NRXN3: variants seen among roughly 807,000 people sequenced by gnomAD.
NRXN3 encodes neurexin 3.
A neutral mutation model predicts 137.6 loss-of-function variants in NRXN3; 32 were observed. The ratio of observed to expected loss-of-function variants is 0.23; its 90% CI spans 0.18 to 0.31. NRXN3 has a LOEUF of 0.31. NRXN3 is among the 10% of genes least tolerant of loss of function. The pLI, the probability that NRXN3 is intolerant of heterozygous loss-of-function variation, is 1.00. For synonymous variants in NRXN3, 798 were observed against 784.5 expected (o/e 1.02, Z -0.29); for missense variants, 1,574 against 2,062.5 (o/e 0.76, Z 4.59).
chr14:78,863,863 A>G (rs1040261055), intron 10 of NRXN3, among the ~76,000 whole-genome samples: 1 of 152,096 alleles, frequency 6.6e-6, no homozygotes, highest in African/African-American at 2.4e-5. Flanking sequence ...TATAAATTCA[A>G]TGAGTCAGAA....
At chr14:79,753,063 G>A (rs1317712499) in intron 19 of NRXN3, among the ~76,000 whole-genome samples, 2 of 150,904 alleles carry the variant, frequency 1.3e-5, no homozygotes, top group Non-Finnish European at 3.0e-5. Flanking sequence ...TAAAAAGTCA[G>A]GAAACAACAG....
intron 19 of NRXN3, among the ~76,000 whole-genome samples, chr14:79,733,089 T>TAAC (rs2098929720): frequency 7.5e-6 from 1 of 134,136 alleles, no homozygotes; most frequent in Non-Finnish European, 1.6e-5. Context: ...CAGTGAATAA[T>TAAC]TAAATCCAGA....
Position 78,419,241 on chromosome 14 carries a change from T to A in NRXN3, c.757+121381T>A, listed in dbSNP as rs188721097. Among the ~76,000 whole-genome samples the A allele has an allele frequency of 6.2e-4, 95 of 152,276 alleles. No individual in the cohort carries two copies. The Middle Eastern group carries it at 0.02, about 33-fold the overall frequency. ...CTCTAGTCCAACTTTTTAATTTTTT[T>A]ATTTTATTTTATTTTTTGATAGGGT... On this transcript the variant is annotated intron_variant, in intron 4 of 20. Transcript: ENST00000335750.
chr14:78,431,567 A>G (rs1476688570), intron 4 of NRXN3, among the ~76,000 whole-genome samples: 1 of 152,172 alleles, frequency 6.6e-6, no homozygotes, highest in Admixed American at 6.5e-5. Context: ...CAGCTGGAGC[A>G]AAGAAAGACA....
chr14:79,737,304 G>A (rs1008501221), intron 19 of NRXN3, among the ~76,000 whole-genome samples: 8 of 152,158 alleles, frequency 5.3e-5, no homozygotes, highest in Non-Finnish European at 1.2e-4. Context: ...CAATAACTTG[G>A]AATGTGTCTA....
intron 16 of NRXN3, among the ~76,000 whole-genome samples, chr14:79,584,491 G>C (rs1227438573): frequency 6.6e-6 from 1 of 152,202 alleles, no homozygotes; most frequent in Non-Finnish European, 1.5e-5. Flanking sequence ...AGGGATGGGG[G>C]AGAGCTGGGA....
chr14:79,669,738 T>A (rs2098595756), intron 17 of NRXN3, among the ~76,000 whole-genome samples: 1 of 152,042 alleles, frequency 6.6e-6, no homozygotes, highest in Non-Finnish European at 1.5e-5. Context: ...ATCAGCAGCA[T>A]CAGCTTCCCC....
chr14:78,479,392 G>A (rs1466285152), intron 4 of NRXN3, among the ~76,000 whole-genome samples: 1 of 152,218 alleles, frequency 6.6e-6, no homozygotes, highest in African/African-American at 2.4e-5. Context: ...TGATTCATTA[G>A]ATCTGGGATG....
intron 1 of NRXN3, among the ~76,000 whole-genome samples, chr14:78,220,863 A>G (rs1055082942): frequency 1.3e-5 from 2 of 152,110 alleles, no homozygotes; most frequent in South Asian, 2.1e-4. Flanking sequence ...CTTCATGACT[A>G]AAAACCTCAA....
At chr14:79,349,533 G>A (rs557894821) in intron 15 of NRXN3, among the ~76,000 whole-genome samples, 233 of 130,980 alleles carry the variant, frequency 1.8e-3, no homozygotes, top group South Asian at 0.016. Context: ...CGTCCTCCCC[G>A]GGAAAAAAAA....
At chr14:78,507,055 C>T (rs2096008826) in intron 4 of NRXN3, among the ~76,000 whole-genome samples, 1 of 151,962 alleles carries the variant, frequency 6.6e-6, no homozygotes, top group Non-Finnish European at 1.5e-5. Flanking sequence ...TAAAACATTC[C>T]ATAGGCCAAA....
At chr14:78,471,291 AAC>A (rs553942003) in intron 4 of NRXN3, among the ~76,000 whole-genome samples, 252 of 96,840 alleles carry the variant, frequency 2.6e-3, no homozygotes, top group East Asian at 0.012. Context: ...CAACACACTC[AAC>A]ACACACACAC....
Position 78,243,115 on chromosome 14 carries a change from GT to G in NRXN3, c.26del (p.Phe9SerfsTer4). 1 of 1,536,456 alleles carries G rather than the reference GT, an allele frequency of 6.5e-7. No homozygotes were observed. Among genetic ancestry groups the G allele is most frequent in the African/African-American group, 1.4e-5 (1 of 73,288 alleles). The part of the protein sequence containing the change: MSSTLHS[V>X]FFTLKVSILL... ...GACAATGAGCTCCACACTCCACTCG[GT>G]TTTCTTCACCCTGAAGGTCAGCATC... On this transcript the variant is annotated frameshift_variant, in exon 2 of 21. Coordinates refer to ENST00000335750, the MANE Select transcript of NRXN3 (RefSeq NM_001330195.2). LOFTEE classifies it high-confidence loss of function. This position sits in a 1 kb window ranked among gnomAD's most constrained non-coding sequence, Gnocchi z 4.2.
In NRXN3 at chr14:78,717,230, C is replaced by G. The variant is rs1467555867; in HGVS notation, c.2044+2091C>G. Among the ~76,000 whole-genome samples the G allele has an allele frequency of 4.6e-5, 7 of 152,104 alleles. No homozygotes were observed. In the East Asian group the frequency reaches 1.2e-3, roughly 25 times the overall value. On this transcript the variant is annotated intron_variant, in intron 8 of 20. Coordinates refer to ENST00000335750, the MANE Select transcript of NRXN3 (RefSeq NM_001330195.2). ...CTGTACAAGGTGTCTCTGAGCTCAC[C>G]CATTTCAAGGGTGAATCAACGGGAG...
At chr14:79,480,321 T>A (rs1441237938) in intron 16 of NRXN3, among the ~76,000 whole-genome samples, 1 of 152,180 alleles carries the variant, frequency 6.6e-6, no homozygotes, top group African/African-American at 2.4e-5. Flanking sequence ...GGAGCTGGTT[T>A]TTTTGCATGG....
chr14:79,125,098 C>T (rs977707803), intron 15 of NRXN3, among the ~76,000 whole-genome samples: 15 of 151,856 alleles, frequency 9.9e-5, no homozygotes, highest in African/African-American at 3.1e-4. Context: ...AAATTATTTA[C>T]GTACTTAAAC....
intron 16 of NRXN3, among the ~76,000 whole-genome samples, chr14:79,544,912 T>C (rs1241218971): frequency 6.6e-6 from 1 of 152,218 alleles, no homozygotes; most frequent in African/African-American, 2.4e-5. Flanking sequence ...TAAGAATCAC[T>C]GTTATCCTTG....
chr14:79,767,958 G>A (rs577762051), intron 19 of NRXN3, among the ~76,000 whole-genome samples: 31 of 152,342 alleles, frequency 2.0e-4, no homozygotes, highest in South Asian at 4.1e-4. Flanking sequence ...TGCCTCACTC[G>A]GGAAGCGCAA....
chr14:78,700,758 T>C (rs1190218010), intron 6 of NRXN3, among the ~76,000 whole-genome samples: 6 of 152,074 alleles, frequency 3.9e-5, no homozygotes, highest in African/African-American at 1.4e-4. Context: ...TCTAGAAACT[T>C]GATTGACTGG....
Sources: gnomAD v4.1 joint callset for allele counts (sites outside exome capture counted in the v4.1 genomes callset) on GRCh38, gnomAD v4.1.1 for gene constraint, Gnocchi (gnomAD v3.1) non-coding constraint, MANE v1.5 for transcripts, NCBI Gene and HGNC (gene_info 2026-07-23, HGNC 2026-07-21) for gene names.